The following DPP6 variants were observed in gnomAD, a reference collection of about 807,000 sequenced individuals.
DPP6 encodes A-type potassium channel modulatory protein DPP6.
A neutral mutation model predicts 122.6 loss-of-function variants in DPP6; 69 were observed. The ratio of observed to expected loss-of-function variants is 0.56; its 90% confidence interval spans 0.46 to 0.69. DPP6 has a LOEUF of 0.69. DPP6 is among the 30% of genes least tolerant of loss of function. The pLI is 0.00. For synonymous variants in DPP6, 418 were observed against 433.1 expected (o/e 0.97, Z 0.43); for missense variants, 928 against 1,116.9 (o/e 0.83, Z 2.41).
chr7:154,833,313 G>A lies in DPP6; in HGVS notation c.1667-20467G>A, dbSNP rs1800777145. Among the ~76,000 whole-genome samples, 1 of 152,188 alleles carries A rather than the reference G, an allele frequency of 6.6e-6. No homozygotes were observed. The highest frequency in any genetic ancestry group is 2.1e-4 in the South Asian group (1 of 4,832). On this transcript the variant is annotated intron_variant, in intron 16 of 25. Coordinates refer to ENST00000377770, the MANE Select transcript of DPP6 (RefSeq NM_130797.4). This position sits in a 1 kb window ranked among gnomAD's most constrained non-coding sequence, Gnocchi z 4.3. ...GAGGATGGGATGGCAAGGTGTTTAAGAAAGACCATAAGGGCTGTAGGAAGC... is the reference window on the plus strand; with the variant it reads ...GAGGATGGGATGGCAAGGTGTTTAAAAAAGACCATAAGGGCTGTAGGAAGC...
chr7:154,641,765 A>G (rs1381996176), intron 6 of DPP6, among the ~76,000 whole-genome samples: 3 of 152,210 alleles, frequency 2.0e-5, no homozygotes, highest in African/African-American at 2.4e-5. Context: ...CAATTTGAAG[A>G]AAAATTGGTC....
At chr7:154,851,201 T>C (rs2150573398) in intron 16 of DPP6, among the ~76,000 whole-genome samples, 1 of 152,262 alleles carries the variant, frequency 6.6e-6, no homozygotes, top group Non-Finnish European at 1.5e-5. Flanking sequence ...GTAGCTTTTT[T>C]ATTGTATGGA....
intron 6 of DPP6, among the ~76,000 whole-genome samples, chr7:154,646,814 G>A (rs560545024): frequency 6.6e-6 from 1 of 152,268 alleles, no homozygotes; most frequent in South Asian, 2.1e-4. Flanking sequence ...GCACCAACAG[G>A]TCTTATGCTC....
At chr7:154,811,156 G>C (rs1477770861) in intron 16 of DPP6, among the ~76,000 whole-genome samples, 1 of 152,152 alleles carries the variant, frequency 6.6e-6, no homozygotes, top group African/African-American at 2.4e-5. Flanking sequence ...ACTTTTGAAT[G>C]CCCAAATTAA....
At chr7:154,321,751 C>T (rs1807977383) in intron 1 of DPP6, among the ~76,000 whole-genome samples, 1 of 145,496 alleles carries the variant, frequency 6.9e-6, no homozygotes, top group Admixed American at 6.9e-5. Context: ...CGCCACTGCA[C>T]TCCAGCCTGG....
At chr7:154,609,758 C>G (rs1438304775) in intron 5 of DPP6, among the ~76,000 whole-genome samples, 1 of 152,190 alleles carries the variant, frequency 6.6e-6, no homozygotes, top group Admixed American at 6.5e-5. Flanking sequence ...CTTTGCTGTT[C>G]TTACGACTTG....
chr7:154,254,373 T>C (rs1041962368), intron 1 of DPP6, among the ~76,000 whole-genome samples: 2 of 152,200 alleles, frequency 1.3e-5, no homozygotes, highest in African/African-American at 2.4e-5. Context: ...TAGGTGTAAT[T>C]AGAGGTAGGC....
chr7:154,517,535 T>C (rs1475892614), intron 3 of DPP6, among the ~76,000 whole-genome samples: 1 of 152,158 alleles, frequency 6.6e-6, no homozygotes, highest in Non-Finnish European at 1.5e-5. Flanking sequence ...GGCCTGTGTA[T>C]GTGAGTATTC....
At chr7:154,267,539 T>G (rs1273954497) in intron 1 of DPP6, among the ~76,000 whole-genome samples, 1 of 151,136 alleles carries the variant, frequency 6.6e-6, no homozygotes, top group African/African-American at 2.4e-5. Context: ...TGTACATATT[T>G]ATCCCTTATA....
intron 7 of DPP6, among the ~76,000 whole-genome samples, chr7:154,685,391 C>T (rs1369754666): frequency 2.0e-5 from 3 of 152,170 alleles, no homozygotes; most frequent in African/African-American, 7.2e-5. Context: ...TGTGTAACTA[C>T]GAATGCTGTG....
chr7:154,825,537 T>C (rs535680343), intron 16 of DPP6, among the ~76,000 whole-genome samples: 50 of 152,340 alleles, frequency 3.3e-4, no homozygotes, highest in Middle Eastern at 3.4e-3. Flanking sequence ...GTCACCGACG[T>C]GAGCATCTGT....
intron 1 of DPP6, among the ~76,000 whole-genome samples, chr7:153,981,163 A>G (rs184181695): frequency 2.6e-3 from 389 of 152,238 alleles, no homozygotes; most frequent in Non-Finnish European, 4.2e-3. Flanking sequence ...GTATCCCACT[A>G]TTATTGTGTG....
At position 154,016,742 on chromosome 7, in the gene DPP6, A is replaced by T. The variant is rs1396185491; in HGVS notation, c.51+129008A>T. 7.9e-5 allele frequency among the ~76,000 whole-genome samples: 12 copies of T among 152,318 alleles called. No individual in the cohort carries two copies. In the South Asian group the frequency reaches 1.2e-3, roughly 16 times the overall value. The stretch of plus-strand genomic sequence containing the variant: ...GGGGAACTTTCATACTGTTTTCCAC[A>T]CTGGCTGTACTAATTTAATTCCCAC... On this transcript the variant is annotated intron_variant, in intron 1 of 25. Transcript: ENST00000404039.
Position 154,344,768 on chromosome 7 carries a change from G to A in DPP6, c.244-101446G>A, listed in dbSNP as rs577052039. 8.5e-4 allele frequency among the ~76,000 whole-genome samples: 129 copies of A among 152,180 alleles called. 1 individual carries two copies. The highest frequency in any genetic ancestry group is 3.0e-3 in the African/African-American group (125 of 41,534). ...CTGGGCGTCTTGGTGCACACCTGTA[G>A]TCCCAACTACTCGGGAGGCTGAGGC... is the stretch of plus-strand genomic sequence containing the variant. On this transcript the variant is annotated intron_variant, in intron 1 of 25. Transcript: ENST00000377770.
In DPP6 at chr7:154,669,538, TTGTG is replaced by T. The variant is rs3220067; in HGVS notation, c.762+123_762+126del. On this transcript the variant is annotated intron_variant, in intron 7 of 25. Coordinates refer to ENST00000377770, the MANE Select transcript of DPP6 (RefSeq NM_130797.4). ...CACTGTACTCAGCCTGTACATGGTG[TTGTG>T]TGTGTGTGTGTGTGTGTGTGTGTGT... 0.35 allele frequency: 409,084 copies of T among 1,160,240 alleles called. 36,623 individuals carry two copies. Among genetic ancestry groups the T allele is most frequent in the East Asian group, 0.51 (15,333 of 30,254 alleles). 71.9% of individuals were successfully genotyped at this position (1,160,240 alleles called of 1,614,324 possible).
At chr7:154,057,836 A>C (rs1179062242) in intron 1 of DPP6, 1 of 150,810 alleles carries the variant, frequency 6.6e-6, no homozygotes, top group African/African-American at 2.5e-5. Flanking sequence ...AAAAGATGGC[A>C]GCTGGACTTT....
chr7:154,704,564 A>G (rs1464903019), intron 7 of DPP6, among the ~76,000 whole-genome samples: 1 of 152,228 alleles, frequency 6.6e-6, no homozygotes, highest in African/African-American at 2.4e-5. Context: ...TTAAGAAATT[A>G]CCAGTTATCC....
chr7:153,993,333 CT>C (rs1797273835), intron 1 of DPP6, among the ~76,000 whole-genome samples: 1 of 152,230 alleles, frequency 6.6e-6, no homozygotes, highest in African/African-American at 2.4e-5. Context: ...GGCTGTCCCC[CT>C]GTGTCTTCTT....
the DPP6 span, among the ~76,000 whole-genome samples, chr7:153,859,590 C>T: frequency 6.6e-6 from 1 of 152,160 alleles, no homozygotes; most frequent in African/African-American, 2.4e-5. Flanking sequence ...GGGCATCATC[C>T]TGTTTACTGC....
Sources: gnomAD v4.1 joint callset for allele counts (sites outside exome capture counted in the v4.1 genomes callset) on GRCh38, gnomAD v4.1.1 for gene constraint, Gnocchi (gnomAD v3.1) non-coding constraint, MANE v1.5 for transcripts, NCBI Gene and HGNC (gene_info 2026-07-23, HGNC 2026-07-21) for gene names.